Variants in GATA3 observed in about 807,000 individuals in gnomAD.
GATA3 encodes GATA binding protein 3.
A neutral mutation model predicts 36.0 loss-of-function variants in GATA3; 6 were observed. The observed-to-expected ratio is 0.17, with a 90% CI of 0.09 to 0.33. The LOEUF is 0.33. Ranked by LOEUF, GATA3 falls within the 10% of genes least tolerant of loss-of-function variation. The probability of loss-of-function intolerance (pLI) is 1.00; values close to 1 mark genes in which losing one functional copy is unlikely to be tolerated. For missense variants in GATA3, 514 were observed against 610.1 expected (o/e 0.84, Z 1.66); for synonymous variants, 326 against 273.0 (o/e 1.19, Z -1.92).
chr10:8,054,236 A>G (rs1269486), upstream of GATA3, among the ~76,000 whole-genome samples: 117,403 of 152,152 alleles, frequency 0.77, 45,426 homozygotes, highest in East Asian at 0.95. The surrounding 1 kb of genome is among the most constrained non-coding windows in gnomAD (Gnocchi z 4.2). Context: ...ACCCTGCATT[A>G]GATCCTAATA....
At chr10:8,048,371 T>C (rs1832417643) in intron 1 of GATA3, among the ~76,000 whole-genome samples, 1 of 152,150 alleles carries the variant, frequency 6.6e-6, no homozygotes, top group African/African-American at 2.4e-5. Context: ...AGCCTTGAAA[T>C]GGGTGAATTT....
Position 8,058,543 on chromosome 10 carries a change from C to T in GATA3, c.480C>T (p.Asp160=), listed in dbSNP as rs143627754. 222 of 1,612,284 alleles carry T rather than the reference C, an allele frequency of 1.4e-4. 1 individual carries two copies. In the African/African-American group the frequency reaches 2.3e-3, roughly 16 times the overall value. ...LFTFPPTPPK[D]VSPDPSLSTP... is the part of the protein sequence containing the mutation. ...CCTTCCCGCCCACCCCGCCGAAGGA[C>T]GTCTCCCCGGACCCATCGCTGTCCA... The change falls in exon 3 of 6, where the codon GAC becomes GAT. Residue 160 remains aspartate (D), a synonymous_variant. Transcript: ENST00000379328.
intron 4 of GATA3, among the ~76,000 whole-genome samples, chr10:8,065,175 G>T (rs1399766498): frequency 2.0e-5 from 3 of 149,276 alleles, no homozygotes; most frequent in Non-Finnish European, 4.4e-5. Flanking sequence ...TCTTTTTAAA[G>T]AATACTTTGC....
At chr10:8,050,907 T>C (rs1379341877), upstream of GATA3, 2 of 481,360 alleles carry the variant, frequency 4.2e-6, no homozygotes, top group Non-Finnish European at 8.4e-6. Context: ...GTTACCCAGG[T>C]CGGGCAGCGC....
chr10:8,060,352 C>T (rs2131493983), intron 3 of GATA3, among the ~76,000 whole-genome samples: 1 of 152,164 alleles, frequency 6.6e-6, no homozygotes, highest in Admixed American at 6.5e-5. Flanking sequence ...AAAAAGAAAG[C>T]AAGAGGCCGG....
intron 4 of GATA3, among the ~76,000 whole-genome samples, chr10:8,064,474 C>A (rs1259984488): frequency 1.3e-5 from 2 of 151,960 alleles, no homozygotes; most frequent in Non-Finnish European, 2.9e-5. Flanking sequence ...TGAACAGGAC[C>A]AGAGCAGCTG....
In GATA3 at chr10:8,064,129, G is replaced by A. The variant is rs760084913; in HGVS notation, c.915G>A (p.Lys305=). The A allele has an allele frequency of 1.9e-5, 31 of 1,614,036 alleles. No individual in the cohort carries two copies. The highest frequency in any genetic ancestry group is 2.5e-5 in the Non-Finnish European group (30 of 1,180,048). Residue 305 remains lysine, a synonymous_variant, in exon 4 of 6, where the codon AAG becomes AAA. Coordinates refer to ENST00000379328, the MANE Select transcript of GATA3 (RefSeq NM_001002295.2). ...NGQNRPLIKP[K]RRLSAARRAG... The stretch of plus-strand genomic sequence containing the variant: ...AGAACCGGCCCCTCATTAAGCCCAA[G>A]CGAAGGCTGGTAAGTTCTCGGGAAG...
upstream of GATA3, among the ~76,000 whole-genome samples, chr10:8,049,386 A>G (rs1394533090): frequency 6.6e-6 from 1 of 152,218 alleles, no homozygotes; most frequent in Non-Finnish European, 1.5e-5. Context: ...CTGGGCCGGG[A>G]TCCTCAACCA....
chr10:8,066,042 T>C (rs1832836572), intron 4 of GATA3, among the ~76,000 whole-genome samples: 1 of 148,880 alleles, frequency 6.7e-6, no homozygotes, highest in South Asian at 2.1e-4. Context: ...AAAATGTGTC[T>C]TGGTACCATT....
At position 8,061,066 on chromosome 10, in the gene GATA3, G is replaced by GCTCT. The variant is rs111353803; in HGVS notation, c.778+2246_778+2249dup. Among the ~76,000 whole-genome samples, 285 of 149,038 alleles carry GCTCT rather than the reference G, an allele frequency of 1.9e-3. 1 individual carries two copies. The highest frequency in any genetic ancestry group is 6.7e-3 in the African/African-American group (270 of 40,330). Reference sequence around the variant, plus strand: ...GGGGATTCTCTTGGTTTTAGTGGTTGCTCTCTCTCTCTCTCTCTCTCTCTT... The same window carrying GCTCT: ...GGGGATTCTCTTGGTTTTAGTGGTTGCTCTCTCTCTCTCTCTCTCTCTCTCTCTT... On this transcript the variant is annotated intron_variant, in intron 3 of 5. Coordinates refer to ENST00000379328, the MANE Select transcript of GATA3 (RefSeq NM_001002295.2).
At chr10:8,064,182 G>A (rs769756243) in intron 4 of GATA3, 44 bp downstream of exon 4, 27 of 1,612,954 alleles carry the variant, frequency 1.7e-5, no homozygotes, top group South Asian at 6.6e-5. Context: ...ACCATTCTGG[G>A]TTTCTCATTT....
chr10:8,050,920 G>T (rs775268523), upstream of GATA3: 1 of 462,998 alleles, frequency 2.2e-6, no homozygotes, highest in Non-Finnish European at 4.4e-6. Context: ...GGCAGCGCGC[G>T]GGCGCCCGGG....
intron 1 of GATA3, among the ~76,000 whole-genome samples, chr10:8,046,142 C>G (rs1413833962): frequency 6.6e-6 from 1 of 152,114 alleles, no homozygotes; most frequent in African/African-American, 2.4e-5. Context: ...GCATCCGAAG[C>G]GGAAGGGGCA....
At chr10:8,046,225 T>C (rs1321897292) in intron 1 of GATA3, among the ~76,000 whole-genome samples, 1 of 152,182 alleles carries the variant, frequency 6.6e-6, no homozygotes, top group African/African-American at 2.4e-5. Context: ...TCAGAGGCAG[T>C]TCCCCCCTGA....
chr10:8,065,103 C>A (rs768742758), intron 4 of GATA3, among the ~76,000 whole-genome samples: 2 of 152,080 alleles, frequency 1.3e-5, no homozygotes, highest in African/African-American at 2.4e-5. Context: ...TTTCCCCACG[C>A]AGATTAATGG....
chr10:8,050,928 G>A (rs372474960), upstream of GATA3: 6 of 467,586 alleles, frequency 1.3e-5, no homozygotes, highest in Non-Finnish European at 2.6e-5. Context: ...GCGGGCGCCC[G>A]GGGCCGCTTC....
In GATA3 at chr10:8,069,481, C is replaced by T. The variant is rs1173874824; in HGVS notation, c.933C>T (p.Ala311=). The change falls in exon 5 of 6, where the codon GCC becomes GCT. Residue 311 remains alanine (A), a synonymous_variant. Transcript: ENST00000379328. ...TCTCTCCCCACTCTCAGTCTGCAGC[C>T]AGGAGAGCAGGGACGTCCTGTGCGA... The part of the protein sequence containing the change: ...LIKPKRRLSA[A]RRAGTSCANC... The T allele has an allele frequency of 6.2e-7, 1 of 1,613,680 alleles. No individual in the cohort carries two copies. The highest frequency in any genetic ancestry group is 1.1e-5 in the South Asian group (1 of 91,052).
intron 4 of GATA3, 93 bp downstream of exon 4, chr10:8,064,231 C>G (rs2131501595): frequency 6.8e-7 from 1 of 1,477,170 alleles, no homozygotes; most frequent in Non-Finnish European, 9.4e-7. Flanking sequence ...AGGAAATTGA[C>G]AGGATAGCCT....
At chr10:8,052,594 C>T (rs993470541), upstream of GATA3, 1 of 152,230 alleles carries the variant, frequency 6.6e-6, no homozygotes, top group African/African-American at 2.4e-5. Context: ...ATCCACCCCT[C>T]GATTGACGCG....
Sources: gnomAD v4.1 joint callset for allele counts (sites outside exome capture counted in the v4.1 genomes callset) on GRCh38, gnomAD v4.1.1 for gene constraint, Gnocchi (gnomAD v3.1) non-coding constraint, MANE v1.5 for transcripts, NCBI Gene and HGNC (gene_info 2026-07-23, HGNC 2026-07-21) for gene names.